Variants in LIPI observed in about 807,000 individuals in gnomAD.
The protein encoded by LIPI is lipase I.
Under a neutral mutation model 50.6 loss-of-function variants are expected in LIPI, and 59 were observed. The observed-to-expected ratio is 1.16, with a 90% confidence interval of 0.94 to 1.45. The LOEUF (loss-of-function observed/expected upper bound fraction) is 1.45, where lower values mean the gene tolerates loss of function less well. LIPI is among the 40% of genes most tolerant of loss of function. The pLI is 0.00. For missense variants in LIPI, 586 were observed against 536.3 expected, an observed-to-expected ratio of 1.09 and a Z score of -0.92; for synonymous variants, 203 against 178.2, an observed-to-expected ratio of 1.14 and a Z score of -1.11.
intron 6 of LIPI, among the ~76,000 whole-genome samples, chr21:14,164,769 T>A (rs1199901407): frequency 6.6e-6 from 1 of 152,314 alleles, no homozygotes; most frequent in Admixed American, 6.5e-5. Flanking sequence ...ATTTAGAAGG[T>A]ATGAACCATG....
In LIPI at chr21:14,134,926, A is replaced by T. The variant is rs147122119; in HGVS notation, c.1295+9697T>A. On this transcript the variant is annotated intron_variant, in intron 9 of 9. Coordinates refer to ENST00000681601, the MANE Select transcript of LIPI (RefSeq NM_001302998.2). ...CTCAAAAGCAAATGCAAAGAAACAA[A>T]AATAGACAAATGGGACTTAATTAAA... Among the ~76,000 whole-genome samples the T allele has an allele frequency of 4.7e-3, 717 of 152,326 alleles. 10 individuals are homozygous for T. Among genetic ancestry groups the T allele is most frequent in the Admixed American group, 0.034 (518 of 15,294 alleles).
chr21:14,195,685 A>G (rs1384292394), intron 1 of LIPI, among the ~76,000 whole-genome samples: 4 of 152,206 alleles, frequency 2.6e-5, no homozygotes, highest in African/African-American at 9.6e-5. Flanking sequence ...CTAAAAGGAC[A>G]CTGTTAAGAA....
chr21:14,169,817 A>G (rs1600891653), intron 4 of LIPI, among the ~76,000 whole-genome samples: 1 of 152,192 alleles, frequency 6.6e-6, no homozygotes, highest in Non-Finnish European at 1.5e-5. Flanking sequence ...GAAAAGCAAG[A>G]GCAAACACAT....
intron 1 of LIPI, among the ~76,000 whole-genome samples, chr21:14,196,121 G>A (rs569579698): frequency 1.3e-3 from 46 of 34,650 alleles, no homozygotes; most frequent in African/African-American, 3.4e-3. Flanking sequence ...TTACGAGTTC[G>A]TAGCGTTTTT....
At position 14,144,762 on chromosome 21, in the gene LIPI, TCTTGA is replaced by T. The variant is rs2017840452; in HGVS notation, c.1151_1155del (p.Val384AspfsTer7). 6.3e-7 allele frequency: 1 copy of T among 1,580,136 alleles called. No homozygotes were observed. The highest frequency in any genetic ancestry group is 1.4e-5 in the African/African-American group (1 of 74,060). On this transcript the variant is annotated frameshift_variant, in exon 9 of 10. Transcript: ENST00000681601. LOFTEE classifies it high-confidence loss of function. ...AAGTCATTATAAAATTGAGCAAGAA[TCTTGA>T]CTTCTTGAAGTTTATAAAATGGTTT...
At chr21:14,182,340 A>T (rs1042126546) in intron 3 of LIPI, among the ~76,000 whole-genome samples, 4 of 152,112 alleles carry the variant, frequency 2.6e-5, no homozygotes, top group African/African-American at 9.7e-5. Context: ...TTCTCGTAAG[A>T]CTTTCTCACA....
chr21:14,209,978 T>C (rs2020322347), intron 1 of LIPI, among the ~76,000 whole-genome samples: 1 of 152,034 alleles, frequency 6.6e-6, no homozygotes, highest in African/African-American at 2.4e-5. Flanking sequence ...CCAGAATTTA[T>C]GGTTATCTCA....
rs563716360 is a variant in LIPI, at chr21:14,168,453, G to A, written c.644-2002C>T. On this transcript the variant is annotated intron_variant, in intron 4 of 9. Transcript: ENST00000681601. ...TGAAATGAAGGAAAAAATGTTAAGG[G>A]CAGCCAGAGAGAAAGGTCGGGTTAC... Among the ~76,000 whole-genome samples the A allele has an allele frequency of 3.7e-3, 557 of 152,250 alleles. 4 individuals carry two copies. Among genetic ancestry groups the A allele is most frequent in the African/African-American group, 0.013 (528 of 41,530 alleles).
At chr21:14,160,555 A>T (rs906181729) in intron 7 of LIPI, among the ~76,000 whole-genome samples, 2 of 151,338 alleles carry the variant, frequency 1.3e-5, no homozygotes, top group Non-Finnish European at 3.0e-5. Context: ...AGAAAAAATT[A>T]CAGGAGAAAA....
chr21:14,180,596 G>A (rs1568871477), intron 4 of LIPI, among the ~76,000 whole-genome samples: 1 of 152,168 alleles, frequency 6.6e-6, no homozygotes, highest in Non-Finnish European at 1.5e-5. Context: ...CACATTAATT[G>A]GCCAATAGAT....
chr21:14,125,362 T>C (rs954803872), intron 9 of LIPI, among the ~76,000 whole-genome samples: 4 of 152,162 alleles, frequency 2.6e-5, no homozygotes, highest in African/African-American at 9.7e-5. Flanking sequence ...TAGACTGTAA[T>C]AAAGTTATAA....
Position 14,165,351 on chromosome 21 carries a change from T to C in LIPI, c.773A>G (p.His258Arg). 1 of 1,612,852 alleles carries C rather than the reference T, an allele frequency of 6.2e-7. No homozygotes were observed. The highest frequency in any genetic ancestry group is 8.5e-7 in the Non-Finnish European group (1 of 1,179,112). The change falls in exon 6 of 10, where the codon CAC (histidine) becomes CGC (arginine). Residue 258 changes from histidine to arginine, a missense_variant. Coordinates refer to ENST00000681601, the MANE Select transcript of LIPI (RefSeq NM_001302998.2). ...FIKCNHQRAVHLFMASLETNC... is the reference protein window; with the variant it reads ...FIKCNHQRAVRLFMASLETNC... Reference sequence around the variant, plus strand: ...TGTTTCTAAAGATGCCATGAACAAGTGAACTGCTCTCTGGTGGTTGCATTT... The same window carrying C: ...TGTTTCTAAAGATGCCATGAACAAGCGAACTGCTCTCTGGTGGTTGCATTT...
At chr21:14,133,151 T>G (rs764057217) in intron 9 of LIPI, among the ~76,000 whole-genome samples, 1 of 152,172 alleles carries the variant, frequency 6.6e-6, no homozygotes, top group Non-Finnish European at 1.5e-5. Flanking sequence ...TCTTTCTAAC[T>G]CATTCTAAGA....
intron 9 of LIPI, among the ~76,000 whole-genome samples, chr21:14,132,786 A>T (rs1286918414): frequency 1.3e-5 from 2 of 152,152 alleles, no homozygotes; most frequent in African/African-American, 4.8e-5. Flanking sequence ...AGAAGATCCA[A>T]ATAAACACAA....
At chr21:14,194,064 G>C (rs1361546757) in intron 1 of LIPI, among the ~76,000 whole-genome samples, 1 of 151,986 alleles carries the variant, frequency 6.6e-6, no homozygotes, top group African/African-American at 2.4e-5. Context: ...CTAATAATTG[G>C]GGAAACAGAA....
intron 9 of LIPI, among the ~76,000 whole-genome samples, chr21:14,131,117 A>AT (rs540340931): frequency 1.3e-5 from 2 of 151,910 alleles, no homozygotes; most frequent in Admixed American, 6.6e-5. Context: ...CACCCGGCTA[A>AT]TTTTTTGTAT....
chr21:14,161,530 TA>T (rs2018465045), intron 7 of LIPI, among the ~76,000 whole-genome samples: 1 of 128,228 alleles, frequency 7.8e-6, no homozygotes, highest in South Asian at 2.2e-4. Context: ...GATATAGATA[TA>T]ATATCCATAT....
At position 14,116,453 on chromosome 21, in the gene LIPI, G is replaced by A. The variant is rs374388616; in HGVS notation, c.1296-7373C>T. On this transcript the variant is annotated intron_variant, in intron 9 of 9. Coordinates refer to ENST00000681601, the MANE Select transcript of LIPI (RefSeq NM_001302998.2). ...TCTGAGAGTGAAAGTGAGAGTGAAA[G>A]TGTGCTGTGAGGGAGGAAATTGGAG... Among the ~76,000 whole-genome samples, 29 of 152,178 alleles carry A rather than the reference G, an allele frequency of 1.9e-4. No homozygotes were observed. The East Asian group carries it at 1.9e-3, about 10-fold the overall frequency.
At chr21:14,207,229 G>A (rs2020249987) in intron 1 of LIPI, among the ~76,000 whole-genome samples, 2 of 152,112 alleles carry the variant, frequency 1.3e-5, no homozygotes, top group Non-Finnish European at 2.9e-5. Flanking sequence ...GGAGAAATAA[G>A]TTCTAGTGTT....
Sources: allele counts gnomAD v4.1 joint callset (sites outside exome capture counted in the v4.1 genomes callset), GRCh38; gene constraint gnomAD v4.1.1; transcripts MANE v1.5; gene names NCBI Gene and HGNC (gene_info 2026-07-23, HGNC 2026-07-21).